BPTF: variants seen among roughly 807,000 people sequenced by gnomAD.
BPTF encodes nucleosome-remodeling factor subunit BPTF.
BPTF carries 18 observed loss-of-function variants against 292.5 expected under a neutral mutation model. The observed-to-expected ratio is 0.06, with a 90% CI of 0.04 to 0.09. The LOEUF is 0.09. BPTF is among the 10% of genes least tolerant of loss of function. The pLI is 1.00. For missense variants in BPTF, 2,726 were observed against 3,498.7 expected (o/e 0.78, Z 5.57); for synonymous variants, 1,225 against 1,251.9 (o/e 0.98, Z 0.45).
chr17:67,969,622 C>G (rs62086041), intron 26 of BPTF, among the ~76,000 whole-genome samples: 1 of 146,628 alleles, frequency 6.8e-6, no homozygotes, highest in Non-Finnish European at 1.5e-5. Context: ...TATACCTTAG[C>G]TTATTTAACC....
At chr17:67,909,791 T>C (rs2062526126) in intron 10 of BPTF, 30 bp downstream of exon 10, 1 of 1,480,414 alleles carries the variant, frequency 6.8e-7, no homozygotes, top group South Asian at 1.5e-5. Flanking sequence ...GAGGGCAGCC[T>C]GGGGGTGATA....
chr17:67,880,786 T>C (rs2060346839), intron 4 of BPTF, among the ~76,000 whole-genome samples: 1 of 151,946 alleles, frequency 6.6e-6, no homozygotes. Context: ...ATAGGCTAAT[T>C]ATCTTTTTTT....
rs2058564378 is a variant in BPTF at position 67,854,004 on chromosome 17, C to T, written c.678C>T (p.Pro226=). 6.2e-7 allele frequency: 1 copy of T among 1,614,020 alleles called. No homozygotes were observed. Among genetic ancestry groups the T allele is most frequent in the Non-Finnish European group, 8.5e-7 (1 of 1,180,026 alleles). Reference sequence around the variant, plus strand: ...TATTGGAAGAAAAAGACATCCCGCCCCTTGAATTTCCCAAGTCCTCTGAGG... The same window carrying T: ...TATTGGAAGAAAAAGACATCCCGCCTCTTGAATTTCCCAAGTCCTCTGAGG... ...SPILEEKDIP[P]LEFPKSSEDL... The change falls in exon 2 of 28, where the codon CCC becomes CCT. Residue 226 remains proline, a synonymous_variant. Coordinates refer to ENST00000306378, the MANE Select transcript of BPTF (RefSeq NM_182641.4). This position sits in a 1 kb window ranked among gnomAD's most constrained non-coding sequence, Gnocchi z 5.6.
chr17:67,902,826 C>T (rs2061937300), intron 7 of BPTF, among the ~76,000 whole-genome samples: 1 of 152,150 alleles, frequency 6.6e-6, no homozygotes, highest in African/African-American at 2.4e-5. Flanking sequence ...ATTCTTTCTG[C>T]AGAGCTGTGC....
chr17:67,922,632 G>A (rs2063531689), intron 13 of BPTF, among the ~76,000 whole-genome samples: 1 of 152,098 alleles, frequency 6.6e-6, no homozygotes, highest in Admixed American at 6.6e-5. Flanking sequence ...TTTTATAAAT[G>A]AAATTTGATT....
chr17:67,938,402 A>T (rs1427307995), intron 18 of BPTF, among the ~76,000 whole-genome samples: 1 of 152,218 alleles, frequency 6.6e-6, no homozygotes, highest in African/African-American at 2.4e-5. Flanking sequence ...GTTCATCTTG[A>T]GTAAATGAAT....
rs1462677030 is a variant in BPTF, at chr17:67,983,743, G to T, written c.*1455G>T. 1.3e-5 allele frequency: 2 copies of T among 152,548 alleles called. No homozygotes were observed. Among genetic ancestry groups the T allele is most frequent in the African/African-American group, 4.8e-5 (2 of 41,426 alleles). 9.4% of individuals were successfully genotyped at this position (152,548 alleles called of 1,614,324 possible). ...CTAGATTTTGCACTAACTCATATTA[G>T]CTTTGTCCTACCAACTTCTGGAATT... On this transcript the variant is annotated 3_prime_UTR_variant, in exon 28 of 28. Transcript: ENST00000306378.
chr17:67,976,013 CTATT>C, intron 27 of BPTF, 55 bp downstream of exon 27: 2 of 1,378,686 alleles, frequency 1.5e-6, no homozygotes, highest in East Asian at 2.4e-5. Flanking sequence ...ACTCTTTATA[CTATT>C]CTGTCTAACG....
chr17:67,939,990 A>G (rs1197397172), intron 18 of BPTF, among the ~76,000 whole-genome samples: 1 of 152,264 alleles, frequency 6.6e-6, no homozygotes, highest in Non-Finnish European at 1.5e-5. Flanking sequence ...AGAGAAGCTT[A>G]TTATAAATGC....
chr17:67,863,026 C>T (rs1433521572), intron 2 of BPTF, among the ~76,000 whole-genome samples: 3 of 152,106 alleles, frequency 2.0e-5, no homozygotes, highest in Non-Finnish European at 4.4e-5. Context: ...CCCCACTTCC[C>T]GTACCAAAAG....
At chr17:67,941,674 G>A (rs1161294639) in intron 19 of BPTF, among the ~76,000 whole-genome samples, 1 of 152,128 alleles carries the variant, frequency 6.6e-6, no homozygotes, top group Non-Finnish European at 1.5e-5. Flanking sequence ...ATGGGAAACT[G>A]TGAAATTGGA....
intron 23 of BPTF, chr17:67,950,932 C>T (rs1223724902): frequency 6.6e-6 from 1 of 151,892 alleles, no homozygotes; most frequent in Non-Finnish European, 1.5e-5. Flanking sequence ...CTCAGCCTCC[C>T]GAGTTGCTGA....
intron 1 of BPTF, among the ~76,000 whole-genome samples, chr17:67,841,516 A>G (rs1049659343): frequency 7.2e-5 from 11 of 152,104 alleles, no homozygotes; most frequent in African/African-American, 2.7e-4. Context: ...AGAATGACAT[A>G]TCTTTTTCTA....
At chr17:67,927,010 A>G (rs1262041701) in intron 15 of BPTF, among the ~76,000 whole-genome samples, 2 of 152,154 alleles carry the variant, frequency 1.3e-5, no homozygotes, top group African/African-American at 2.4e-5. Flanking sequence ...GAAATTGTGT[A>G]AAGTACTTTA....
intron 7 of BPTF, among the ~76,000 whole-genome samples, chr17:67,897,370 A>AAG (rs2061521774): frequency 6.8e-6 from 1 of 147,936 alleles, no homozygotes; most frequent in Non-Finnish European, 1.5e-5. Context: ...AAAAAAAAAA[A>AAG]AGTAAAGAAA....
At chr17:67,959,486 TCA>T in intron 23 of BPTF, 53 bp from the exon 24 acceptor site, 1 of 1,392,500 alleles carries the variant, frequency 7.2e-7, no homozygotes, top group Admixed American at 2.6e-5. Context: ...TCTGGCCAGA[TCA>T]CACATTTACA....
At chr17:67,915,903 C>G (rs778561197) in intron 11 of BPTF, among the ~76,000 whole-genome samples, 12 of 152,088 alleles carry the variant, frequency 7.9e-5, no homozygotes, top group Non-Finnish European at 1.0e-4. Flanking sequence ...GCAGACTTAC[C>G]GTGCATGTGG....
intron 9 of BPTF, among the ~76,000 whole-genome samples, chr17:67,909,277 CCCTT>C (rs1045449699): frequency 5.2e-4 from 46 of 88,624 alleles, no homozygotes; most frequent in African/African-American, 1.9e-3. Flanking sequence ...GTCCCCCCCC[CCCTT>C]TTTTTTTTTA....
chr17:67,864,390 GGTGGT>G (rs892785443), intron 2 of BPTF, among the ~76,000 whole-genome samples: 21 of 152,036 alleles, frequency 1.4e-4, no homozygotes, highest in African/African-American at 5.1e-4. Flanking sequence ...AGCTGGGCGT[GGTGGT>G]GTGTGCCTGT....
Sources: allele counts gnomAD v4.1 joint callset (sites outside exome capture counted in the v4.1 genomes callset), GRCh38; gene constraint gnomAD v4.1.1; non-coding constraint Gnocchi (gnomAD v3.1); transcripts MANE v1.5; gene names NCBI Gene and HGNC (gene_info 2026-07-23, HGNC 2026-07-21).